Variants in FARS2 observed in about 807,000 individuals in gnomAD.
FARS2 encodes phenylalanine--tRNA ligase, mitochondrial.
Under a neutral mutation model 46.4 loss-of-function variants are expected in FARS2, and 40 were observed. The observed-to-expected ratio is 0.86, with a 90% CI of 0.67 to 1.12. FARS2 has a LOEUF of 1.12. FARS2 is among the 50% of genes most tolerant of loss of function. FARS2 has a pLI of 0.00. For synonymous variants in FARS2, 234 were observed against 214.9 expected, an observed-to-expected ratio of 1.09 and a Z score of -0.78; for missense variants, 513 against 567.9, an observed-to-expected ratio of 0.90 and a Z score of 0.98.
At chr6:5,691,252 G>T (rs1395804000) in intron 6 of FARS2, among the ~76,000 whole-genome samples, 1 of 152,214 alleles carries the variant, frequency 6.6e-6, no homozygotes, top group African/African-American at 2.4e-5. Flanking sequence ...TCCTTTGGAG[G>T]AGGAGAGGTG....
In FARS2 at chr6:5,751,994, G is replaced by A. The variant is rs1001955; in HGVS notation, c.1218-19297G>A. ...CTCTTCATGGGGTGTCCTGGGATGC[G>A]TCATGTGCCCGGAGGTGGTTTAGTG... On this transcript the variant is annotated intron_variant, in intron 6 of 6. Coordinates refer to ENST00000274680, the MANE Select transcript of FARS2 (RefSeq NM_006567.5). 8.0e-3 allele frequency among the ~76,000 whole-genome samples: 1,219 copies of A among 152,230 alleles called. 15 individuals carry two copies. Among genetic ancestry groups the A allele is most frequent in the African/African-American group, 0.028 (1,155 of 41,524 alleles).
At chr6:5,508,576 G>A (rs1768241505) in intron 4 of FARS2, among the ~76,000 whole-genome samples, 1 of 152,210 alleles carries the variant, frequency 6.6e-6, no homozygotes, top group Non-Finnish European at 1.5e-5. Context: ...TCCCAGCAGT[G>A]GAGGAAAGCA....
the FARS2 span, among the ~76,000 whole-genome samples, chr6:5,251,618 T>G: frequency 1.3e-5 from 2 of 152,106 alleles, no homozygotes; most frequent in African/African-American, 4.8e-5. Flanking sequence ...AGGGGAATGG[T>G]GCTAAACTAT....
intron 5 of FARS2, among the ~76,000 whole-genome samples, chr6:5,570,164 T>C (rs973464386): frequency 1.3e-5 from 2 of 152,238 alleles, no homozygotes; most frequent in African/African-American, 4.8e-5. Context: ...AAAATATTTC[T>C]TCCTTGACCA....
chr6:5,420,818 A>C (rs1340453031), intron 3 of FARS2, among the ~76,000 whole-genome samples: 2 of 151,456 alleles, frequency 1.3e-5, no homozygotes, highest in East Asian at 3.9e-4. Context: ...CCCATCCCAG[A>C]CTCTGACTTG....
At chr6:5,761,067 C>T (rs1384010695) in intron 6 of FARS2, among the ~76,000 whole-genome samples, 1 of 152,194 alleles carries the variant, frequency 6.6e-6, no homozygotes, top group African/African-American at 2.4e-5. Flanking sequence ...CCACCAGTAC[C>T]TCTGGTGACG....
At chr6:5,358,184 T>C (rs1758057646) in intron 1 of FARS2, among the ~76,000 whole-genome samples, 3 of 152,198 alleles carry the variant, frequency 2.0e-5, no homozygotes, top group Admixed American at 6.5e-5. Context: ...TTTAGAGAGT[T>C]GATTTAAAAA....
At chr6:5,329,578 G>A (rs1473529701) in intron 1 of FARS2, among the ~76,000 whole-genome samples, 1 of 152,164 alleles carries the variant, frequency 6.6e-6, no homozygotes, top group Non-Finnish European at 1.5e-5. Flanking sequence ...GCTAAAAACT[G>A]TCTCAAGATT....
At chr6:5,360,620 T>A (rs1366087367) in intron 1 of FARS2, among the ~76,000 whole-genome samples, 1 of 151,980 alleles carries the variant, frequency 6.6e-6, no homozygotes, top group Non-Finnish European at 1.5e-5. Flanking sequence ...ATCTTATTAT[T>A]TGCGTATTAC....
chr6:5,547,381 G>A (rs4960098), intron 5 of FARS2, among the ~76,000 whole-genome samples: 1 of 146,278 alleles, frequency 6.8e-6, no homozygotes, highest in Non-Finnish European at 1.5e-5. Context: ...TTGTCTTTTT[G>A]TTTTTTTTTT....
intron 4 of FARS2, among the ~76,000 whole-genome samples, chr6:5,539,965 A>G (rs949784483): frequency 6.6e-6 from 1 of 152,094 alleles, no homozygotes; most frequent in Non-Finnish European, 1.5e-5. Flanking sequence ...TGGAAAAGCA[A>G]GTCCTCCTTT....
chr6:5,526,900 A>C (rs1769499787), intron 4 of FARS2, among the ~76,000 whole-genome samples: 1 of 152,170 alleles, frequency 6.6e-6, no homozygotes, highest in Non-Finnish European at 1.5e-5. Flanking sequence ...TACAGGTGTG[A>C]GCCGCCACGT....
chr6:5,675,208 A>T (rs1408985090), intron 6 of FARS2, among the ~76,000 whole-genome samples: 1 of 94,256 alleles, frequency 1.1e-5, no homozygotes, highest in African/African-American at 3.0e-5. Flanking sequence ...AGACACACAC[A>T]CACACACACA....
intron 4 of FARS2, among the ~76,000 whole-genome samples, chr6:5,450,031 C>T (rs72817727): frequency 0.022 from 3,313 of 152,310 alleles, 41 homozygotes; most frequent in Non-Finnish European, 0.033. Flanking sequence ...ATGGGTTTTG[C>T]ATCCTGCAAA....
At chr6:5,310,702 C>G (rs1420494967) in intron 1 of FARS2, among the ~76,000 whole-genome samples, 1 of 152,094 alleles carries the variant, frequency 6.6e-6, no homozygotes, top group Non-Finnish European at 1.5e-5. Flanking sequence ...GGCAAACAAT[C>G]AAACAAAAAG....
intron 5 of FARS2, among the ~76,000 whole-genome samples, chr6:5,594,487 T>C (rs1337080169): frequency 2.6e-5 from 4 of 152,184 alleles, no homozygotes; most frequent in Admixed American, 1.3e-4. Context: ...ACCATGCCAT[T>C]TGTTTGGTTT....
intron 4 of FARS2, among the ~76,000 whole-genome samples, chr6:5,446,217 A>G: frequency 6.6e-6 from 1 of 151,128 alleles, no homozygotes; most frequent in East Asian, 1.9e-4. Flanking sequence ...AAAAAAAAAA[A>G]GAAAATTTTT....
At chr6:5,593,660 G>A (rs565359255) in intron 5 of FARS2, among the ~76,000 whole-genome samples, 37 of 152,286 alleles carry the variant, frequency 2.4e-4, no homozygotes, top group African/African-American at 1.2e-4. Context: ...GTGAGGCTCC[G>A]CAAACCACTT....
chr6:5,521,425 A>T (rs1025285055), intron 4 of FARS2, among the ~76,000 whole-genome samples: 12 of 151,690 alleles, frequency 7.9e-5, no homozygotes, highest in African/African-American at 2.4e-4. Flanking sequence ...CTGTGAATGT[A>T]TAAAGGGAAA....
Sources: gnomAD v4.1 joint callset for allele counts (sites outside exome capture counted in the v4.1 genomes callset) on GRCh38, gnomAD v4.1.1 for gene constraint, MANE v1.5 for transcripts, NCBI Gene and HGNC (gene_info 2026-07-23, HGNC 2026-07-21) for gene names.